Variants in ZNF766 observed in about 807,000 individuals in gnomAD.
ZNF766 encodes zinc finger protein 766.
ZNF766 carries 13 observed loss-of-function variants against 13.2 expected under a neutral mutation model. The observed-to-expected ratio is 0.98, with a 90% CI of 0.64 to 1.56. The LOEUF (loss-of-function observed/expected upper bound fraction) is 1.56, where lower values mean the gene tolerates loss of function less well. Ranked by LOEUF, ZNF766 falls within the 40% of genes most tolerant of loss-of-function variation. The pLI, the probability that ZNF766 is intolerant of heterozygous loss-of-function variation, is 0.00. For missense variants in ZNF766, 521 were observed against 552.2 expected, an observed-to-expected ratio of 0.94 and a Z score of 0.57; for synonymous variants, 178 against 187.6, an observed-to-expected ratio of 0.95 and a Z score of 0.42.
Position 52,291,251 on chromosome 19 carries a change from T to A in ZNF766, c.*53T>A. ...GCAGTAATCAACATCCGAGAGTCTA[T>A]ACTAGAAAGAAATCATTTAAATGTA... On this transcript the variant is annotated 3_prime_UTR_variant, in exon 4 of 4. Transcript: ENST00000439461. 6.7e-7 allele frequency: 1 copy of A among 1,486,496 alleles called. No individual in the cohort carries two copies. The highest frequency in any genetic ancestry group is 9.0e-7 in the Non-Finnish European group (1 of 1,108,806). The allele number at this position is 1,486,496 out of a possible 1,614,324, so 92.1% of individuals were successfully genotyped here.
chr19:52,278,724 G>A (rs1311971248), intron 1 of ZNF766, among the ~76,000 whole-genome samples: 1 of 152,068 alleles, frequency 6.6e-6, no homozygotes, highest in East Asian at 1.9e-4. Context: ...CTTTTTAATG[G>A]GGTTTTCTCT....
intron 3 of ZNF766, among the ~76,000 whole-genome samples, chr19:52,283,845 C>A (rs1393563437): frequency 6.6e-6 from 1 of 152,210 alleles, no homozygotes; most frequent in Non-Finnish European, 1.5e-5. Context: ...ACAAGTGAGT[C>A]CCCTGCCTCA....
At chr19:52,288,121 A>T in intron 3 of ZNF766, 1 of 341,658 alleles carries the variant, frequency 2.9e-6, no homozygotes, top group Non-Finnish European at 5.6e-6. Context: ...CCCAGGTTCA[A>T]GCAATTCTCC....
At chr19:52,284,406 A>G (rs1461663099) in intron 3 of ZNF766, among the ~76,000 whole-genome samples, 2 of 152,074 alleles carry the variant, frequency 1.3e-5, no homozygotes, top group South Asian at 4.2e-4. Flanking sequence ...GGTCCTGGAA[A>G]CTGCATGGAG....
intron 3 of ZNF766, among the ~76,000 whole-genome samples, chr19:52,289,153 G>GTTTTTTT (rs61647050): frequency 1.5e-5 from 2 of 133,470 alleles, no homozygotes; most frequent in African/African-American, 2.8e-5. Context: ...ACCGCATGTG[G>GTTTTTTT]TTTTTTTTTT....
intron 1 of ZNF766, chr19:52,274,747 C>T (rs1981118310): frequency 1.3e-5 from 2 of 152,398 alleles, no homozygotes; most frequent in African/African-American, 4.8e-5. Flanking sequence ...ATCACTTGAA[C>T]CCAGGAGGTG....
At chr19:52,286,989 C>T (rs1021259104) in intron 3 of ZNF766, among the ~76,000 whole-genome samples, 1 of 152,076 alleles carries the variant, frequency 6.6e-6, no homozygotes, top group Non-Finnish European at 1.5e-5. Context: ...GCACCTGCCA[C>T]CATGCCCGGA....
At chr19:52,280,271 G>T (rs1981433507) in intron 1 of ZNF766, among the ~76,000 whole-genome samples, 1 of 152,128 alleles carries the variant, frequency 6.6e-6, no homozygotes, top group African/African-American at 2.4e-5. Context: ...GAGGAGGGAG[G>T]ATCATTTGAG....
rs12462608 is a variant in ZNF766 at position 52,290,075 on chromosome 19, G to A, written c.284G>A (p.Cys95Tyr). 0.041 allele frequency: 65,325 copies of A among 1,609,060 alleles called. 4,276 individuals carry two copies. The highest frequency in any genetic ancestry group is 0.3 in the African/African-American group (22,603 of 74,778). ...TTACTTGCTTTCCTAGGGAGGAGCT[G>A]TGCAGTGAGAAGCAAAGCAGGAAAC... ...GIKDINTGRS[C>Y]AVRSKAGNKP... The change falls in exon 4 of 4, where the codon TGT becomes TAT. Residue 95 changes from cysteine to tyrosine, a missense_variant. Physicochemically the swap from Cys to Tyr is radical, Grantham distance 194. Transcript: ENST00000439461.
chr19:52,294,693 TC>T lies in ZNF766; in HGVS notation c.*3496del, dbSNP rs1478872292. 2.0e-5 allele frequency: 3 copies of T among 152,242 alleles called. No individual in the cohort carries two copies. In the East Asian group the frequency reaches 5.8e-4, roughly 29 times the overall value. The allele number at this position is 152,242 out of a possible 1,614,324, so 9.4% of individuals were successfully genotyped here. A position where few individuals can be genotyped will look rare whatever the true frequency, so the allele number is the denominator to read the frequency against. The stretch of plus-strand genomic sequence containing the variant: ...GCAGAGGTGTAAAAGGCGTTGGTGT[TC>T]AGACATCACAAAATGCAGTCAACTC... On this transcript the variant is annotated 3_prime_UTR_variant, in exon 4 of 4. Coordinates refer to ENST00000439461, the MANE Select transcript of ZNF766 (RefSeq NM_001010851.3).
At position 52,272,398 on chromosome 19, in the gene ZNF766, T is replaced by G. The variant is rs1981015110; in HGVS notation, c.18+2767T>G. ...GTTTCAGATTTTTGTGTTACCAGTT[T>G]CCTCTGCTGGTGTCTCCTGAAGCTG... is the stretch of plus-strand genomic sequence containing the variant. On this transcript the variant is annotated intron_variant, in intron 1 of 3. Coordinates refer to ENST00000439461, the MANE Select transcript of ZNF766 (RefSeq NM_001010851.3). Among the ~76,000 whole-genome samples, 4 of 152,314 alleles carry G rather than the reference T, an allele frequency of 2.6e-5. No homozygotes were observed. The South Asian group carries it at 6.2e-4, about 24-fold the overall frequency.
rs771537053 is a variant in ZNF766 at position 52,290,243 on chromosome 19, G to T, written c.452G>T (p.Arg151Ile). Reference sequence around the variant, plus strand: ...AGTTCTTCAGTTTCGCCACTTCAAAGAATTTACTCTGGGGTCAAAACCCAC... The same window carrying T: ...AGTTCTTCAGTTTCGCCACTTCAAATAATTTACTCTGGGGTCAAAACCCAC... ...SHSSSVSPLQ[R>I]IYSGVKTHIF... Residue 151 changes from arginine to isoleucine, a missense_variant, in exon 4 of 4, where the codon AGA becomes ATA. Coordinates refer to ENST00000439461, the MANE Select transcript of ZNF766 (RefSeq NM_001010851.3). The T allele has an allele frequency of 1.6e-5, 26 of 1,613,814 alleles. No individual in the cohort carries two copies. Among genetic ancestry groups the T allele is most frequent in the Non-Finnish European group, 1.9e-5 (22 of 1,179,888 alleles).
chr19:52,271,418 AG>A (rs2122456706), intron 1 of ZNF766, among the ~76,000 whole-genome samples: 1 of 152,198 alleles, frequency 6.6e-6, no homozygotes, highest in South Asian at 2.1e-4. Flanking sequence ...CATCTCAACC[AG>A]TAAAGGGAAG....
At chr19:52,286,450 A>G (rs947363093) in intron 3 of ZNF766, among the ~76,000 whole-genome samples, 3 of 149,238 alleles carry the variant, frequency 2.0e-5, no homozygotes, top group African/African-American at 7.4e-5. Flanking sequence ...TGATTTTTGT[A>G]TTTTTTGTAG....
intron 1 of ZNF766, among the ~76,000 whole-genome samples, chr19:52,270,828 G>A (rs1980942665): frequency 6.6e-6 from 1 of 151,846 alleles, no homozygotes; most frequent in Admixed American, 6.6e-5. Context: ...GAGAAACTGC[G>A]GGAGAGGAGA....
chr19:52,280,735 G>A (rs1244231205), intron 1 of ZNF766, among the ~76,000 whole-genome samples: 3 of 151,698 alleles, frequency 2.0e-5, no homozygotes, highest in Admixed American at 6.6e-5. Flanking sequence ...GGCATGCACC[G>A]CCACACCCAG....
At chr19:52,276,871 C>A (rs140858829) in intron 1 of ZNF766, among the ~76,000 whole-genome samples, 5 of 152,294 alleles carry the variant, frequency 3.3e-5, no homozygotes, top group African/African-American at 1.2e-4. Flanking sequence ...GGGGTTTGGT[C>A]AGAGCCAGGT....
At position 52,284,615 on chromosome 19, in the gene ZNF766, G is replaced by A. The variant is rs74672064; in HGVS notation, c.274+1202G>A. Among the ~76,000 whole-genome samples, 422 of 152,008 alleles carry A rather than the reference G, an allele frequency of 2.8e-3. 1 individual carries two copies. Among genetic ancestry groups the A allele is most frequent in the South Asian group, 0.011 (54 of 4,820 alleles). ...CACTATCTACCTGAGTTAGAGTCGC[G>A]TCCCACAGGCTAAGGGTTGAGTTCC... is the stretch of plus-strand genomic sequence containing the variant. On this transcript the variant is annotated intron_variant, in intron 3 of 3. Transcript: ENST00000439461.
At chr19:52,286,153 AAAAAAGAAAG>A (rs1294412860) in intron 3 of ZNF766, among the ~76,000 whole-genome samples, 5 of 147,054 alleles carry the variant, frequency 3.4e-5, no homozygotes, top group African/African-American at 1.3e-4. Flanking sequence ...ATTAAAAAAA[AAAAAAGAAAG>A]AAAGAAAGAA....
Sources: allele counts gnomAD v4.1 joint callset (sites outside exome capture counted in the v4.1 genomes callset), GRCh38; gene constraint gnomAD v4.1.1; transcripts MANE v1.5; gene names NCBI Gene and HGNC (gene_info 2026-07-23, HGNC 2026-07-21).